Variants in BAIAP2 observed in about 807,000 individuals in gnomAD.
BAIAP2 encodes the protein BAR/IMD domain containing adaptor protein 2.
A neutral mutation model predicts 63.0 loss-of-function variants in BAIAP2; 18 were observed. The ratio of observed to expected loss-of-function variants is 0.29; its 90% CI spans 0.20 to 0.42. BAIAP2 has a LOEUF of 0.42. BAIAP2 is among the 10% of genes least tolerant of loss of function. The probability of loss-of-function intolerance (pLI) is 1.00; values close to 1 mark genes in which losing one functional copy is unlikely to be tolerated. For missense variants in BAIAP2, 610 were observed against 734.3 expected (o/e 0.83, Z 1.96); for synonymous variants, 386 against 307.6 (o/e 1.25, Z -2.67).
chr17:81,115,494 T>TGCCCA (rs377330168), intron 13 of BAIAP2, among the ~76,000 whole-genome samples: 18,072 of 152,024 alleles, frequency 0.12, 1,540 homozygotes, highest in African/African-American at 0.25. Context: ...CGCCCTGCCC[T>TGCCCA]GCCCAGCCCA....
chr17:81,097,232 A>T (rs2057778747), intron 6 of BAIAP2, among the ~76,000 whole-genome samples: 1 of 152,154 alleles, frequency 6.6e-6, no homozygotes, highest in African/African-American at 2.4e-5. Context: ...GGTGGGGTTT[A>T]GTGTGGGAAA....
chr17:81,110,847 C>G (rs1207575305), intron 13 of BAIAP2: 1 of 1,599,774 alleles, frequency 6.3e-7, no homozygotes, highest in African/African-American at 1.3e-5. Flanking sequence ...CGTGGTCCCC[C>G]CTCCTCTGCA....
At chr17:81,071,324 C>T (rs759356091) in intron 3 of BAIAP2, among the ~76,000 whole-genome samples, 1 of 152,140 alleles carries the variant, frequency 6.6e-6, no homozygotes, top group Non-Finnish European at 1.5e-5. Flanking sequence ...GCAAGATGTC[C>T]TGTCAGCCCC....
chr17:81,088,241 G>A lies in BAIAP2; in HGVS notation c.489+1661G>A, dbSNP rs2056066202. Among the ~76,000 whole-genome samples, 5 of 152,126 alleles carry A rather than the reference G, an allele frequency of 3.3e-5. No homozygotes were observed. In the South Asian group the frequency reaches 1.0e-3, roughly 32 times the overall value. ...AGGTGTGAGAGCTTGTCTTAAGGGG[G>A]ACTTTCCTGGGAATGTCCCCAGCTT... On this transcript the variant is annotated intron_variant, in intron 6 of 13. Transcript: ENST00000428708.
intron 2 of BAIAP2, chr17:81,057,577 G>A (rs1040832195): frequency 4.8e-5 from 50 of 1,045,756 alleles, no homozygotes; most frequent in Non-Finnish European, 5.5e-5. Flanking sequence ...CCCTCCCCCC[G>A]GCCCTGCCTG....
chr17:81,085,551 GA>G (rs769194395), intron 4 of BAIAP2, 102 bp from the exon 5 acceptor site: 26 of 956,854 alleles, frequency 2.7e-5, no homozygotes, highest in Non-Finnish European at 4.0e-5. Context: ...GCACAGCCGG[GA>G]CACCCGGTGT....
chr17:81,069,804 C>T (rs1568110658), intron 3 of BAIAP2, among the ~76,000 whole-genome samples: 1 of 152,204 alleles, frequency 6.6e-6, no homozygotes, highest in Non-Finnish European at 1.5e-5. Flanking sequence ...TCTGGTCTCG[C>T]CGGTCACGTG....
Position 81,063,252 on chromosome 17 carries a change from G to A in BAIAP2, c.217+5285G>A, listed in dbSNP as rs537678608. Among the ~76,000 whole-genome samples the A allele has an allele frequency of 1.1e-4, 17 of 152,316 alleles. No homozygotes were observed. The South Asian group carries it at 3.5e-3, about 32-fold the overall frequency. ...GGGAGGCAGGGCTTTGAGGAGCCCAGGGCCTTGTAGAGATTCCAGGCTTGG... is the reference window on the plus strand; with the variant it reads ...GGGAGGCAGGGCTTTGAGGAGCCCAAGGCCTTGTAGAGATTCCAGGCTTGG... On this transcript the variant is annotated intron_variant, in intron 3 of 13. Transcript: ENST00000428708.
At chr17:81,088,063 T>C (rs2056019727) in intron 6 of BAIAP2, among the ~76,000 whole-genome samples, 1 of 152,046 alleles carries the variant, frequency 6.6e-6, no homozygotes, top group Admixed American at 6.5e-5. Flanking sequence ...AGACACTGTG[T>C]CTGTTTTTCT....
At chr17:81,037,269 G>C (rs143171172) in intron 1 of BAIAP2, among the ~76,000 whole-genome samples, 306 of 152,374 alleles carry the variant, frequency 2.0e-3, no homozygotes, top group African/African-American at 7.2e-3. Context: ...TAGCACGGCA[G>C]GACGCGGTGG....
chr17:81,101,238 C>G (rs1199511426), intron 7 of BAIAP2, among the ~76,000 whole-genome samples: 6 of 152,170 alleles, frequency 3.9e-5, no homozygotes, highest in Admixed American at 1.3e-4. Flanking sequence ...AAGCCTGGCC[C>G]TGCTGAACCA....
intron 1 of BAIAP2, among the ~76,000 whole-genome samples, chr17:81,047,810 G>T (rs1568069514): frequency 6.6e-6 from 1 of 152,158 alleles, no homozygotes; most frequent in Non-Finnish European, 1.5e-5. Flanking sequence ...CACACACAGG[G>T]GTCCACATGC....
intron 13 of BAIAP2, chr17:81,110,058 G>A: frequency 1.0e-6 from 1 of 985,490 alleles, no homozygotes; most frequent in Non-Finnish European, 1.2e-6. Context: ...TACTGGTATT[G>A]TCTCTTCCCA....
intron 3 of BAIAP2, among the ~76,000 whole-genome samples, chr17:81,061,712 A>G (rs1351878368): frequency 6.6e-6 from 1 of 152,076 alleles, no homozygotes; most frequent in Non-Finnish European, 1.5e-5. Context: ...GGGCGTTCCT[A>G]AATTTTCATT....
intron 6 of BAIAP2, among the ~76,000 whole-genome samples, chr17:81,098,994 A>G (rs956012164): frequency 4.9e-5 from 1 of 20,574 alleles, no homozygotes; most frequent in Admixed American, 3.5e-4. Flanking sequence ...CCATCCCCCC[A>G]TCCCCCCATC....
rs1338510524 is a variant in BAIAP2, at chr17:81,037,340, C to CGCT, written c.54+2044_54+2046dup. Reference sequence around the variant, plus strand: ...AGGCTTTGCCCTGGTGACAGGCTTGCGCTGCTGCTGCTGCACACAGGCGGG... The same window carrying CGCT: ...AGGCTTTGCCCTGGTGACAGGCTTGCGCTGCTGCTGCTGCTGCACACAGGCGGG... On this transcript the variant is annotated intron_variant, in intron 1 of 13. Transcript: ENST00000428708. Among the ~76,000 whole-genome samples, 6 of 152,340 alleles carry CGCT rather than the reference C, an allele frequency of 3.9e-5. No homozygotes were observed. In the East Asian group the frequency reaches 7.7e-4, roughly 20 times the overall value.
intron 3 of BAIAP2, among the ~76,000 whole-genome samples, chr17:81,080,084 A>G (rs907580477): frequency 1.3e-5 from 2 of 152,218 alleles, no homozygotes; most frequent in Non-Finnish European, 2.9e-5. Flanking sequence ...TTAGTTGCTC[A>G]GCGGAACTCA....
intron 1 of BAIAP2, among the ~76,000 whole-genome samples, chr17:81,041,612 T>C (rs1230860205): frequency 1.3e-5 from 2 of 152,362 alleles, no homozygotes; most frequent in African/African-American, 4.8e-5. Flanking sequence ...TTTGCTCTTG[T>C]TGCCCAGGCT....
intron 1 of BAIAP2, chr17:81,053,440 A>T (rs932453876): frequency 1.8e-6 from 1 of 567,910 alleles, no homozygotes; most frequent in Non-Finnish European, 3.1e-6. Flanking sequence ...GTTTCTTCTT[A>T]CCCCCTTTGC....
Sources: gnomAD v4.1 joint callset for allele counts (sites outside exome capture counted in the v4.1 genomes callset) on GRCh38, gnomAD v4.1.1 for gene constraint, MANE v1.5 for transcripts, NCBI Gene and HGNC (gene_info 2026-07-23, HGNC 2026-07-21) for gene names.